The following CLTCL1 variants were observed in gnomAD, a reference collection of about 807,000 sequenced individuals.
CLTCL1 encodes the protein clathrin heavy chain like 1.
Under a neutral mutation model 190.0 loss-of-function variants are expected in CLTCL1, and 159 were observed. The observed-to-expected ratio is 0.84, with a 90% CI of 0.74 to 0.95. The LOEUF (loss-of-function observed/expected upper bound fraction) is 0.95. CLTCL1 is among the 40% of genes least tolerant of loss of function. CLTCL1 has a pLI of 0.00. For missense variants in CLTCL1, 1,878 were observed against 2,033.4 expected (o/e 0.92, Z 1.47); for synonymous variants, 752 against 769.6 (o/e 0.98, Z 0.38).
chr22:19,275,610 C>T lies in CLTCL1; in HGVS notation c.250+13G>A, dbSNP rs2087473958. On this transcript the variant is annotated intron_variant, in intron 2 of 32. Coordinates refer to ENST00000427926, the MANE Select transcript of CLTCL1 (RefSeq NM_007098.4). ...GAGGTAAGATTCCTTTCTAACAATCCCATCGGGTTTACCTTTCAGAGCTAT... is the reference window on the plus strand; with the variant it reads ...GAGGTAAGATTCCTTTCTAACAATCTCATCGGGTTTACCTTTCAGAGCTAT... 1 of 1,585,880 alleles carries T rather than the reference C, an allele frequency of 6.3e-7. No homozygotes were observed. The highest frequency in any genetic ancestry group is 8.6e-7 in the Non-Finnish European group (1 of 1,164,036).
At chr22:19,196,458 C>A (rs374830800) in intron 25 of CLTCL1, 31 bp downstream of exon 25, 1 of 1,613,794 alleles carries the variant, frequency 6.2e-7, no homozygotes, top group Non-Finnish European at 8.5e-7. Flanking sequence ...CACGTGGCCA[C>A]GGCTGCCAGA....
intron 27 of CLTCL1, among the ~76,000 whole-genome samples, chr22:19,190,003 G>A (rs2084438281): frequency 6.6e-6 from 1 of 152,134 alleles, no homozygotes; most frequent in Non-Finnish European, 1.5e-5. Context: ...CTGGAGTGCT[G>A]TGGTGCAATC....
At chr22:19,281,477 T>G (rs2087714401) in intron 1 of CLTCL1, among the ~76,000 whole-genome samples, 1 of 152,208 alleles carries the variant, frequency 6.6e-6, no homozygotes, top group East Asian at 1.9e-4. Context: ...AGTTCTCTCT[T>G]GGTGACACAT....
At chr22:19,248,207 G>C (rs1292743552) in intron 3 of CLTCL1, among the ~76,000 whole-genome samples, 1 of 151,990 alleles carries the variant, frequency 6.6e-6, no homozygotes, top group Non-Finnish European at 1.5e-5. Context: ...TGAGGCAGTA[G>C]AATCGCTTGA....
chr22:19,192,158 T>A (rs1395092851), intron 26 of CLTCL1, among the ~76,000 whole-genome samples: 1 of 148,894 alleles, frequency 6.7e-6, no homozygotes, highest in East Asian at 2.0e-4. Context: ...CTCTGCCTCC[T>A]GGGTTCATGC....
At chr22:19,244,844 G>A (rs1193340749) in intron 3 of CLTCL1, among the ~76,000 whole-genome samples, 1 of 152,236 alleles carries the variant, frequency 6.6e-6, no homozygotes, top group African/African-American at 2.4e-5. Context: ...AGGATTCAAT[G>A]AGCAAATGCA....
intron 2 of CLTCL1, among the ~76,000 whole-genome samples, chr22:19,268,737 T>C (rs2087203832): frequency 1.3e-5 from 2 of 152,200 alleles, no homozygotes; most frequent in Admixed American, 6.5e-5. Flanking sequence ...GGCATCCTCA[T>C]ACATTGCTGA....
chr22:19,269,171 G>A (rs963994819), intron 2 of CLTCL1, among the ~76,000 whole-genome samples: 1 of 151,816 alleles, frequency 6.6e-6, no homozygotes, highest in South Asian at 2.1e-4. Flanking sequence ...GGGAGGCCAA[G>A]GGGGTGGATC....
At chr22:19,181,171 T>C in intron 30 of CLTCL1, 1 of 251,604 alleles carries the variant, frequency 4.0e-6, no homozygotes, top group Non-Finnish European at 7.7e-6. Flanking sequence ...GCTGGGGCCA[T>C]GTGCAGGGAA....
chr22:19,187,536 G>C (rs782043581), intron 29 of CLTCL1, 22 bp downstream of exon 29: 1 of 1,596,094 alleles, frequency 6.3e-7, no homozygotes, highest in Non-Finnish European at 8.6e-7. Context: ...AAGGTGGGAG[G>C]AAACGGGCCC....
intron 1 of CLTCL1, among the ~76,000 whole-genome samples, chr22:19,289,882 G>C (rs1555992307): frequency 6.6e-6 from 1 of 152,242 alleles, no homozygotes; most frequent in Non-Finnish European, 1.5e-5. Context: ...TCTGCTGGTT[G>C]CAAGGCAGGA....
intron 2 of CLTCL1, among the ~76,000 whole-genome samples, chr22:19,266,114 C>G (rs1261173484): frequency 7.9e-5 from 12 of 151,998 alleles, no homozygotes; most frequent in African/African-American, 2.9e-4. Context: ...AACTTCTGGT[C>G]CCAAGTGATC....
chr22:19,184,132 A>G (rs1555927208), intron 29 of CLTCL1: 1 of 258,446 alleles, frequency 3.9e-6, no homozygotes, highest in Non-Finnish European at 7.7e-6. Flanking sequence ...CCTGCACCTG[A>G]CCAGTCCTGA....
At chr22:19,230,406 T>C (rs2085885487) in intron 10 of CLTCL1, among the ~76,000 whole-genome samples, 2 of 152,050 alleles carry the variant, frequency 1.3e-5, no homozygotes, top group Non-Finnish European at 2.9e-5. Context: ...GCCCGGCCCC[T>C]TTCCATTTTC....
chr22:19,196,438 G>T (rs782508706), intron 25 of CLTCL1, 23 bp from the exon 26 acceptor site: 3 of 1,613,960 alleles, frequency 1.9e-6, no homozygotes, highest in Admixed American at 1.7e-5. Flanking sequence ...GTCAGGGTCG[G>T]CTTGTGCTGC....
intron 26 of CLTCL1, among the ~76,000 whole-genome samples, chr22:19,195,159 A>AAATACACACAGGATTGATCT (rs2084655779): frequency 6.6e-6 from 1 of 152,206 alleles, no homozygotes; most frequent in Admixed American, 6.6e-5. Context: ...GGATTGATCA[A>AAATACACACAGGATTGATCT]GTATGGATTT....
chr22:19,235,168 CTT>C (rs546447360), intron 6 of CLTCL1, among the ~76,000 whole-genome samples: 6 of 143,386 alleles, frequency 4.2e-5, no homozygotes, highest in Non-Finnish European at 7.7e-5. Context: ...CTGTTCCCGA[CTT>C]TTTTTTTTTT....
chr22:19,231,052 G>A (rs1436185569), intron 10 of CLTCL1, among the ~76,000 whole-genome samples: 1 of 152,124 alleles, frequency 6.6e-6, no homozygotes, highest in Non-Finnish European at 1.5e-5. Context: ...AGGCCCCCCA[G>A]GGTTCTCAGG....
intron 30 of CLTCL1, 184 bp from the exon 31 acceptor site, chr22:19,180,990 G>T (rs1022081853): frequency 3.3e-6 from 2 of 605,802 alleles, no homozygotes; most frequent in Non-Finnish European, 5.9e-6. Context: ...AGCAAGGCAT[G>T]GAGAGGTGAA....
Sources: allele counts gnomAD v4.1 joint callset (sites outside exome capture counted in the v4.1 genomes callset), GRCh38; gene constraint gnomAD v4.1.1; transcripts MANE v1.5; gene names NCBI Gene and HGNC (gene_info 2026-07-23, HGNC 2026-07-21).